Variants in AGMO observed in about 807,000 individuals in gnomAD.
AGMO encodes the protein glyceryl-ether monooxygenase.
A neutral mutation model predicts 60.2 loss-of-function variants in AGMO; 75 were observed. The observed-to-expected ratio is 1.25, with a 90% CI of 1.03 to 1.51. AGMO has a LOEUF of 1.51. Ranked by LOEUF, AGMO falls within the 40% of genes most tolerant of loss-of-function variation. The pLI, the probability that AGMO is intolerant of heterozygous loss-of-function variation, is 0.00. For missense variants in AGMO, 763 were observed against 525.5 expected, an observed-to-expected ratio of 1.45 and a Z score of -4.42; for synonymous variants, 261 against 177.1, an observed-to-expected ratio of 1.47 and a Z score of -3.76.
chr7:15,356,676 G>A (rs1583450676), intron 12 of AGMO, among the ~76,000 whole-genome samples: 1 of 151,750 alleles, frequency 6.6e-6, no homozygotes, highest in African/African-American at 2.4e-5. Flanking sequence ...ATTTTATTTA[G>A]AATGGTGTTT....
At position 15,296,058 on chromosome 7, in the gene AGMO, AAAAAT is replaced by A. The variant is rs1168254435; in HGVS notation, c.1263+69451_1263+69455del. On this transcript the variant is annotated intron_variant, in intron 12 of 12. Coordinates refer to ENST00000342526, the MANE Select transcript of AGMO (RefSeq NM_001004320.2). Reference sequence around the variant, plus strand: ...ATATGGAAATGTTTACAAGCAAAACAAAAATATTTCAGAAAATAAAATATGTAGAA... The same window carrying A: ...ATATGGAAATGTTTACAAGCAAAACAATTTCAGAAAATAAAATATGTAGAA... Among the ~76,000 whole-genome samples the A allele has an allele frequency of 3.9e-5, 6 of 152,322 alleles. 1 individual carries two copies. The East Asian group carries it at 1.2e-3, about 29-fold the overall frequency.
intron 12 of AGMO, among the ~76,000 whole-genome samples, chr7:15,244,628 C>T (rs1369287768): frequency 1.4e-5 from 2 of 142,556 alleles, no homozygotes; most frequent in Non-Finnish European, 3.1e-5. Context: ...AGTATTTGCT[C>T]ATTCTTTTTT....
At chr7:15,378,174 C>T (rs1397815215) in intron 10 of AGMO, among the ~76,000 whole-genome samples, 1 of 151,938 alleles carries the variant, frequency 6.6e-6, no homozygotes, top group South Asian at 2.1e-4. Context: ...TAATACAAGT[C>T]GATTTCATGT....
the AGMO span, among the ~76,000 whole-genome samples, chr7:15,159,422 C>G: frequency 0.017 from 2,534 of 152,266 alleles, 35 homozygotes; most frequent in Non-Finnish European, 0.025. Flanking sequence ...TTCAGTTCTT[C>G]TGTTTCTTCT....
chr7:15,526,719 T>C (rs775341078), intron 3 of AGMO, among the ~76,000 whole-genome samples: 7 of 152,198 alleles, frequency 4.6e-5, no homozygotes, highest in Non-Finnish European at 7.3e-5. Flanking sequence ...TGCTACACTT[T>C]ATTGGGCTTT....
intron 12 of AGMO, among the ~76,000 whole-genome samples, chr7:15,295,837 A>T (rs773053831): frequency 3.3e-5 from 5 of 152,152 alleles, no homozygotes; most frequent in Non-Finnish European, 7.4e-5. Flanking sequence ...CAGTTTTAAC[A>T]GTCAAAATGT....
At chr7:15,436,322 G>C (rs36047158) in intron 3 of AGMO, among the ~76,000 whole-genome samples, 69,023 of 140,798 alleles carry the variant, frequency 0.49, 15,750 homozygotes, top group Middle Eastern at 0.6. Flanking sequence ...TGGTAGGTTA[G>C]AGTTGTTTCT....
chr7:15,384,392 C>A (rs1328554933), intron 10 of AGMO, among the ~76,000 whole-genome samples: 1 of 152,166 alleles, frequency 6.6e-6, no homozygotes, highest in African/African-American at 2.4e-5. Flanking sequence ...AGTTGCCTCA[C>A]TGGATTCATA....
In AGMO at chr7:15,403,516, GACA is replaced by G. The variant is rs371990213; in HGVS notation, c.610-9340_610-9338del. ...TTATTAACTTAAAGGTAGAATAAAT[GACA>G]ACATCAGCATTTATTGTTTGAATAT... On this transcript the variant is annotated intron_variant, in intron 5 of 12. Coordinates refer to ENST00000342526, the MANE Select transcript of AGMO (RefSeq NM_001004320.2). Among the ~76,000 whole-genome samples, 41 of 151,972 alleles carry G rather than the reference GACA, an allele frequency of 2.7e-4. No homozygotes were observed. In the East Asian group the frequency reaches 5.6e-3, roughly 21 times the overall value.
intron 3 of AGMO, among the ~76,000 whole-genome samples, chr7:15,533,654 C>A (rs1784420421): frequency 6.6e-6 from 1 of 152,060 alleles, no homozygotes; most frequent in Admixed American, 6.6e-5. Context: ...TCAGATTCTG[C>A]ATAATGACTT....
At position 15,383,367 on chromosome 7, in the gene AGMO, G is replaced by C. The variant is rs147929737; in HGVS notation, c.1074+2079C>G. Among the ~76,000 whole-genome samples, 876 of 151,240 alleles carry C rather than the reference G, an allele frequency of 5.8e-3. 11 individuals are homozygous for C. The highest frequency in any genetic ancestry group is 0.021 in the African/African-American group (841 of 40,736). The stretch of plus-strand genomic sequence containing the variant: ...AGAAGCAATAGTCCCAAACTTTTCA[G>C]TTACGTTAGTTAATAAATCCACTCT... On this transcript the variant is annotated intron_variant, in intron 10 of 12. Coordinates refer to ENST00000342526, the MANE Select transcript of AGMO (RefSeq NM_001004320.2).
chr7:15,330,803 C>T (rs946305714), intron 12 of AGMO, among the ~76,000 whole-genome samples: 1 of 151,564 alleles, frequency 6.6e-6, no homozygotes, highest in African/African-American at 2.4e-5. Flanking sequence ...TCTTTCTAAG[C>T]CTCTCCTTAT....
chr7:15,118,576 T>C, the AGMO span, among the ~76,000 whole-genome samples: 12 of 152,142 alleles, frequency 7.9e-5, no homozygotes, highest in Non-Finnish European at 8.8e-5. Context: ...ATTTGCCTTA[T>C]GTGTTAACAT....
intron 12 of AGMO, among the ~76,000 whole-genome samples, chr7:15,322,466 AAATATATAAATATATATATAAATATATAT>A (rs1224909495): frequency 0.011 from 843 of 79,190 alleles, 23 homozygotes; most frequent in African/African-American, 0.034. Context: ...AAATATATAT[AAATATATAAATATATATATAAATATATAT>A]AAATATATAA....
Position 15,327,902 on chromosome 7 carries a change from A to T in AGMO, c.1263+37612T>A, listed in dbSNP as rs557993863. 5.3e-4 allele frequency among the ~76,000 whole-genome samples: 80 copies of T among 150,398 alleles called. 1 individual carries two copies. In the South Asian group the frequency reaches 0.013, roughly 25 times the overall value. ...ACCTCAGCCTCCTGGGTAGCTGGGGACTACAGGTGTATGCCATGTTGCCGG... is the reference window on the plus strand; with the variant it reads ...ACCTCAGCCTCCTGGGTAGCTGGGGTCTACAGGTGTATGCCATGTTGCCGG... On this transcript the variant is annotated intron_variant, in intron 12 of 12. Transcript: ENST00000342526.
intron 2 of AGMO, among the ~76,000 whole-genome samples, chr7:15,549,183 G>T (rs1784873361): frequency 7.0e-6 from 1 of 143,732 alleles, no homozygotes; most frequent in Non-Finnish European, 1.5e-5. Flanking sequence ...ACATGGAAAG[G>T]AACAACCGGT....
intron 3 of AGMO, among the ~76,000 whole-genome samples, chr7:15,529,406 A>G (rs1784215330): frequency 6.7e-6 from 1 of 149,500 alleles, no homozygotes; most frequent in African/African-American, 2.5e-5. Flanking sequence ...AATTTGGGCT[A>G]CACACTAAAG....
the AGMO span, among the ~76,000 whole-genome samples, chr7:15,173,569 T>C: frequency 6.6e-6 from 1 of 151,954 alleles, no homozygotes; most frequent in East Asian, 1.9e-4. Context: ...GGCAAAGAAA[T>C]GTGAAGACAA....
chr7:15,504,383 C>T (rs1181034263), intron 3 of AGMO, among the ~76,000 whole-genome samples: 1 of 151,972 alleles, frequency 6.6e-6, no homozygotes, highest in Non-Finnish European at 1.5e-5. Flanking sequence ...ATGGTTTCTA[C>T]AGTGCTGCGT....
Sources: allele counts gnomAD v4.1 joint callset (sites outside exome capture counted in the v4.1 genomes callset), GRCh38; gene constraint gnomAD v4.1.1; transcripts MANE v1.5; gene names NCBI Gene and HGNC (gene_info 2026-07-23, HGNC 2026-07-21).